Variants in UGT1A6 observed in about 807,000 individuals in gnomAD.
UGT1A6 encodes UDP glucuronosyltransferase family 1 member A6, also known as UDP-glucuronosyltransferase 1A6.
In UGT1A6, 32 loss-of-function variants were observed where a neutral mutation model predicts 44.4. That is an observed-to-expected ratio of 0.72 (90% CI 0.54 to 0.97). The LOEUF is 0.97. Among genes scored for constraint, UGT1A6 ranks in the 50% least tolerant of loss-of-function variants. The probability of loss-of-function intolerance (pLI) is 0.00; values close to 1 mark genes in which losing one functional copy is unlikely to be tolerated. For synonymous variants in UGT1A6, 238 were observed against 248.5 expected (o/e 0.96, Z 0.40); for missense variants, 685 against 661.9 (o/e 1.03, Z -0.38).
chr2:233,724,510 A>G (rs868470469), intron 1 of UGT1A6, among the ~76,000 whole-genome samples: 2,447 of 111,674 alleles, frequency 0.022, 174 homozygotes, highest in African/African-American at 0.087. Context: ...GACGCTCCTC[A>G]CCTCCCAGAT....
At chr2:233,745,689 T>C (rs1218366980) in intron 1 of UGT1A6, among the ~76,000 whole-genome samples, 4 of 149,704 alleles carry the variant, frequency 2.7e-5, no homozygotes, top group African/African-American at 1.0e-4. Flanking sequence ...CAAAGCAAGT[T>C]TGGAGAACAA....
At chr2:233,738,769 T>C (rs1352838892) in intron 1 of UGT1A6, among the ~76,000 whole-genome samples, 4 of 152,188 alleles carry the variant, frequency 2.6e-5, no homozygotes, top group Non-Finnish European at 5.9e-5. Context: ...ACCCATTTTA[T>C]GGGGAGAAAT....
chr2:233,695,126 T>TTTTG (rs1559347637), intron 1 of UGT1A6, among the ~76,000 whole-genome samples: 1 of 107,354 alleles, frequency 9.3e-6, no homozygotes, highest in Non-Finnish European at 1.9e-5. Flanking sequence ...AACCCTTTTC[T>TTTTG]TTTCTTTTTT....
chr2:233,732,570 C>A (rs1379814187), intron 1 of UGT1A6, among the ~76,000 whole-genome samples: 2 of 152,184 alleles, frequency 1.3e-5, no homozygotes, highest in Non-Finnish European at 2.9e-5. Flanking sequence ...GGAATCCTTT[C>A]CCCATTGCTT....
chr2:233,729,186 C>G, intron 1 of UGT1A6: 1 of 1,613,952 alleles, frequency 6.2e-7, no homozygotes, highest in Non-Finnish European at 8.5e-7. Flanking sequence ...TGCTTCTCCT[C>G]AGTGTCCAGC....
rs1472229025 is a variant in UGT1A6 at position 233,772,837 on chromosome 2, T to C, written c.*278T>C. ...CGTGCAGACAGGCTGGCATTCTAGA[T>C]TACTTTTCTTACTCTGAAACATGGC... is the stretch of plus-strand genomic sequence containing the variant. On this transcript the variant is annotated 3_prime_UTR_variant, in exon 5 of 5. Transcript: ENST00000305139. 1.2e-6 allele frequency: 1 copy of C among 832,170 alleles called. No homozygotes were observed. The highest frequency in any genetic ancestry group is 1.7e-6 in the Non-Finnish European group (1 of 590,342). The allele number at this position is 832,170 out of a possible 1,614,324, so 51.5% of individuals were successfully genotyped here.
intron 1 of UGT1A6, chr2:233,713,964 C>T (rs2076358616): frequency 1.9e-6 from 3 of 1,604,778 alleles, no homozygotes; most frequent in Non-Finnish European, 2.6e-6. Flanking sequence ...CCAAAGATTT[C>T]ATTTCTGCTT....
chr2:233,692,931 G>A lies in UGT1A6; in HGVS notation c.-74G>A. 7 of 1,584,824 alleles carry A rather than the reference G, an allele frequency of 4.4e-6. No individual in the cohort carries two copies. In the South Asian group the frequency reaches 7.2e-5, roughly 16 times the overall value. ...TGTGAAAAGCAGTGGTTAGTTTAGG[G>A]AAAATACCTAGGAGCCCTGTGATTT... On this transcript the variant is annotated 5_prime_UTR_variant, in exon 1 of 5. Coordinates refer to ENST00000305139, the MANE Select transcript of UGT1A6 (RefSeq NM_001072.4).
At chr2:233,709,424 T>C (rs1189444828) in intron 1 of UGT1A6, among the ~76,000 whole-genome samples, 1 of 152,212 alleles carries the variant, frequency 6.6e-6, no homozygotes. Flanking sequence ...AAGAATGTCC[T>C]CCAGAAAGGA....
intron 1 of UGT1A6, among the ~76,000 whole-genome samples, chr2:233,698,964 G>T (rs996769646): frequency 6.6e-6 from 1 of 152,212 alleles, no homozygotes; most frequent in Non-Finnish European, 1.5e-5. Flanking sequence ...GGCCCTTGGG[G>T]AAGCCCTTTG....
intron 1 of UGT1A6, among the ~76,000 whole-genome samples, chr2:233,745,499 C>T (rs763251786): frequency 6.6e-6 from 1 of 151,510 alleles, no homozygotes; most frequent in Non-Finnish European, 1.5e-5. Context: ...TCTAAGATTT[C>T]CTATAGGGTA....
rs570257028 is a variant in UGT1A6, at chr2:233,711,809, T to C, written c.861+17944T>C. Among the ~76,000 whole-genome samples the C allele has an allele frequency of 2.0e-5, 3 of 152,276 alleles. No individual in the cohort carries two copies. The South Asian group carries it at 6.2e-4, about 32-fold the overall frequency. On this transcript the variant is annotated intron_variant, in intron 1 of 4. Transcript: ENST00000305139. ...CAGCCCAGAGAGCCTGCCCACATCA[T>C]CCTGGGGCGACCAGGACAAGGAGGC...
rs558109660 is a variant in UGT1A6, at chr2:233,768,353, TA to T, written c.1217del (p.Lys406ArgfsTer5). The T allele has an allele frequency of 4.0e-5, 64 of 1,614,032 alleles. No individual in the cohort carries two copies. Among genetic ancestry groups the T allele is most frequent in the Non-Finnish European group, 5.4e-5 (64 of 1,180,040 alleles). ...TGGACAATGCAAAGCGCATGGAGAC[TA>T]AGGGAGCTGGAGTGACCCTGAATGT... ...QMDNAKRMET[K>X]GAGVTLNVLE... is the part of the protein sequence containing the mutation. On this transcript the variant is annotated frameshift_variant, in exon 4 of 5. Coordinates refer to ENST00000305139, the MANE Select transcript of UGT1A6 (RefSeq NM_001072.4). LOFTEE classifies it high-confidence loss of function.
chr2:233,746,345 T>C (rs887408714), intron 1 of UGT1A6, among the ~76,000 whole-genome samples: 14 of 151,796 alleles, frequency 9.2e-5, no homozygotes, highest in African/African-American at 1.7e-4. Context: ...GACATGTTTA[T>C]GTTGCTCCTT....
intron 1 of UGT1A6, among the ~76,000 whole-genome samples, chr2:233,695,121 T>TTTTATTTTC (rs2075260818): frequency 9.6e-6 from 1 of 103,914 alleles, no homozygotes. Flanking sequence ...TAACCAACCC[T>TTTTATTTTC]TTTCTTTTCT....
chr2:233,768,228 A>G lies in UGT1A6; in HGVS notation c.1090A>G (p.Met364Val), dbSNP rs367784507. 6.8e-6 allele frequency: 11 copies of G among 1,614,094 alleles called. No individual in the cohort carries two copies. Among genetic ancestry groups the G allele is most frequent in the Non-Finnish European group, 9.3e-6 (11 of 1,180,048 alleles). Residue 364 changes from methionine (M) to valine (V), a missense_variant, in exon 4 of 5, where the codon ATG becomes GTG. Physicochemically the swap from Met to Val is conservative, Grantham distance 21. Coordinates refer to ENST00000305139, the MANE Select transcript of UGT1A6 (RefSeq NM_001072.4). ...CCTATTTTGCATCTCAGGTCACCCG[A>G]TGACCCGTGCCTTTATCACCCATGC... ...LPQNDLLGHP[M>V]TRAFITHAGS...
chr2:233,757,558 A>ATG lies in UGT1A6; in HGVS notation c.862-9475_862-9474insGT, dbSNP rs896198958. On this transcript the variant is annotated intron_variant, in intron 1 of 4. Coordinates refer to ENST00000305139, the MANE Select transcript of UGT1A6 (RefSeq NM_001072.4). ...GGAATATATATATATATATATATAT[A>ATG]TATGTATATATGATATAGCTATAGT... is the stretch of plus-strand genomic sequence containing the variant. Among the ~76,000 whole-genome samples, 13 of 124,446 alleles carry ATG rather than the reference A, an allele frequency of 1.0e-4. 1 individual carries two copies. The highest frequency in any genetic ancestry group is 1.7e-4 in the Non-Finnish European group (10 of 60,604). 81.6% of individuals were successfully genotyped at this position (124,446 alleles called of 152,430 possible).
intron 1 of UGT1A6, among the ~76,000 whole-genome samples, chr2:233,745,523 G>C (rs530279744): frequency 6.6e-6 from 1 of 151,554 alleles, no homozygotes; most frequent in Non-Finnish European, 1.5e-5. Context: ...GGTCTAATGG[G>C]GATGTGTTAT....
intron 1 of UGT1A6, among the ~76,000 whole-genome samples, chr2:233,763,811 C>G (rs980088030): frequency 3.3e-5 from 5 of 152,180 alleles, no homozygotes; most frequent in African/African-American, 1.2e-4. Context: ...CTCAAGAATT[C>G]CAAGATGTTC....
Sources: gnomAD v4.1 joint callset for allele counts (sites outside exome capture counted in the v4.1 genomes callset) on GRCh38, gnomAD v4.1.1 for gene constraint, MANE v1.5 for transcripts, NCBI Gene and HGNC (gene_info 2026-07-23, HGNC 2026-07-21) for gene names.